The following CASKIN1 variants were observed in gnomAD, a reference collection of about 807,000 sequenced individuals.
CASKIN1 encodes caskin-1.
Under a neutral mutation model 117.5 loss-of-function variants are expected in CASKIN1, and 42 were observed. The ratio of observed to expected loss-of-function variants is 0.36; its 90% confidence interval spans 0.28 to 0.46. The LOEUF is 0.46. Ranked by LOEUF, CASKIN1 falls within the 20% of genes least tolerant of loss-of-function variation. CASKIN1 has a pLI of 1.00. For missense variants in CASKIN1, 2,083 were observed against 2,077.3 expected, an observed-to-expected ratio of 1.00 and a Z score of -0.05; for synonymous variants, 1,148 against 961.7, an observed-to-expected ratio of 1.19 and a Z score of -3.59.
At position 2,180,850 on chromosome 16, in the gene CASKIN1, C is replaced by T. The variant is rs1403263137; in HGVS notation, c.2518G>A (p.Val840Met). ...GCAGCCGGCCCCACCTCGCCCTCCA[C>T]GGGCTGGGGCAGCACGTAGGCAAAG... is the stretch of plus-strand genomic sequence containing the variant. ...RGFAYVLPQPVEGEVGPAAPG... is the reference protein window; with the variant it reads ...RGFAYVLPQPMEGEVGPAAPG... Residue 840 changes from valine to methionine, a missense_variant, in exon 18 of 20, where the codon GTG becomes ATG. Coordinates refer to ENST00000343516, the MANE Select transcript of CASKIN1 (RefSeq NM_020764.4). The T allele has an allele frequency of 2.2e-5, 31 of 1,399,286 alleles. No homozygotes were observed. The highest frequency in any genetic ancestry group is 3.5e-5 in the Admixed American group (1 of 28,666). 86.7% of individuals were successfully genotyped at this position (1,399,286 alleles called of 1,614,324 possible).
chr16:2,191,832 G>A (rs978234792), intron 1 of CASKIN1, among the ~76,000 whole-genome samples: 1 of 152,222 alleles, frequency 6.6e-6, no homozygotes, highest in Non-Finnish European at 1.5e-5. Context: ...CATCCCCAGA[G>A]CACACTTGGA....
At chr16:2,188,851 C>A in intron 6 of CASKIN1, 176 bp downstream of exon 6, 1 of 878,398 alleles carries the variant, frequency 1.1e-6, no homozygotes, top group East Asian at 2.7e-5. Context: ...CCTTCCCAGC[C>A]CCTGCAGCTC....
chr16:2,178,146 T>C lies in CASKIN1; in HGVS notation c.*404A>G. 1 of 496,850 alleles carries C rather than the reference T, an allele frequency of 2.0e-6. No homozygotes were observed. Among genetic ancestry groups the C allele is most frequent in the South Asian group, 1.6e-5 (1 of 61,618 alleles). 30.8% of individuals were successfully genotyped at this position (496,850 alleles called of 1,614,324 possible). A position where few individuals can be genotyped will look rare whatever the true frequency, so the allele number is the denominator to read the frequency against. On this transcript the variant is annotated 3_prime_UTR_variant, in exon 20 of 20. Coordinates refer to ENST00000343516, the MANE Select transcript of CASKIN1 (RefSeq NM_020764.4). ...GATAGCTTATATTCTGGGGGTGCGG[T>C]GGGGCAGGGGGGCCCTGACCTTGGT...
chr16:2,189,760 C>G (rs937989736), intron 3 of CASKIN1, among the ~76,000 whole-genome samples, 196 bp from the exon 4 acceptor site: 1 of 150,630 alleles, frequency 6.6e-6, no homozygotes, highest in African/African-American at 2.4e-5. Context: ...CCTCTGACCC[C>G]AAGCCCAACC....
chr16:2,186,090 G>A (rs1292464311), intron 10 of CASKIN1, among the ~76,000 whole-genome samples: 1 of 152,108 alleles, frequency 6.6e-6, no homozygotes, highest in Non-Finnish European at 1.5e-5. Flanking sequence ...TCCCACCTCA[G>A]CCTCCCAAGT....
At position 2,182,060 on chromosome 16, in the gene CASKIN1, G is replaced by A. The variant is rs902733152; in HGVS notation, c.1630-131C>T. 3.0e-5 allele frequency: 38 copies of A among 1,287,734 alleles called. No individual in the cohort carries two copies. In the East Asian group the frequency reaches 4.5e-4, roughly 15 times the overall value. 79.8% of individuals were successfully genotyped at this position (1,287,734 alleles called of 1,614,324 possible). ...AGACAGGAGGACAAACGGATAGGCCGAGGTATTGGCACCAGAAATGTAGGC... is the reference window on the plus strand; with the variant it reads ...AGACAGGAGGACAAACGGATAGGCCAAGGTATTGGCACCAGAAATGTAGGC... On this transcript the variant is annotated intron_variant, in intron 16 of 19. Transcript: ENST00000343516. This position sits in a 1 kb window ranked among gnomAD's most constrained non-coding sequence, Gnocchi z 4.1.
rs200816030 is a variant in CASKIN1, at chr16:2,190,177, C to T, written c.147-7G>A. 1.0e-4 allele frequency: 164 copies of T among 1,612,850 alleles called. No homozygotes were observed. The highest frequency in any genetic ancestry group is 3.1e-4 in the South Asian group (28 of 91,060). On this transcript the variant is annotated splice_region_variant and splice_polypyrimidine_tract_variant and intron_variant, in intron 2 of 19. Transcript: ENST00000343516. ...ATGGTGCAGAGCCGAGAAGCTGGCACGTGCAGAGGACACATAGAGCAGAGG... is the reference window on the plus strand; with the variant it reads ...ATGGTGCAGAGCCGAGAAGCTGGCATGTGCAGAGGACACATAGAGCAGAGG...
rs2093211705 is a variant in CASKIN1 at position 2,195,053 on chromosome 16, T to C, written c.94+1286A>G. 1.3e-5 allele frequency among the ~76,000 whole-genome samples: 2 copies of C among 152,174 alleles called. 1 individual carries two copies. The highest frequency in any genetic ancestry group is 4.1e-4 in the South Asian group (2 of 4,834). On this transcript the variant is annotated intron_variant, in intron 1 of 19. Coordinates refer to ENST00000343516, the MANE Select transcript of CASKIN1 (RefSeq NM_020764.4). ...CATGCGGCCACTAGGTGGAAACCTT[T>C]ACCTTGCCTTCCCTCAATCCCTACA...
chr16:2,190,207 G>T (rs1168952350), intron 2 of CASKIN1, 37 bp from the exon 3 acceptor site: 13 of 1,608,296 alleles, frequency 8.1e-6, no homozygotes, highest in Admixed American at 3.4e-5. Context: ...CAGAGGCCCT[G>T]GCGCCCCGGC....
chr16:2,178,963 G>A lies in CASKIN1; in HGVS notation c.4138C>T (p.Leu1380=), dbSNP rs987902411. Residue 1380 remains leucine, a synonymous_variant, in exon 19 of 20, where the codon CTG becomes TTG. Transcript: ENST00000343516. The stretch of plus-strand genomic sequence containing the variant: ...TCCACCGCCTGCAGCGCCGCGGCCA[G>A]GCACGCGCTTGTCTCCTCCAGTTTC... The part of the protein sequence containing the change: ...RQKLEETSAC[L]AAALQAVEEK... 1.4e-6 allele frequency: 2 copies of A among 1,479,958 alleles called. No homozygotes were observed. Among genetic ancestry groups the A allele is most frequent in the Non-Finnish European group, 1.8e-6 (2 of 1,123,932 alleles). 91.7% of individuals were successfully genotyped at this position (1,479,958 alleles called of 1,614,324 possible). A position where few individuals can be genotyped will look rare whatever the true frequency, so the allele number is the denominator to read the frequency against.
chr16:2,180,161 T>G lies in CASKIN1; in HGVS notation c.3207A>C (p.Pro1069=), dbSNP rs747768846. Residue 1069 remains proline, a synonymous_variant, in exon 18 of 20, where the codon CCA becomes CCC. Coordinates refer to ENST00000343516, the MANE Select transcript of CASKIN1 (RefSeq NM_020764.4). ...VVNRRRTLSG[P]VTGLLATARR... ...GGGCAGTGGCCAGAAGTCCGGTGAC[T>G]GGCCCGCTGAGCGTGCGGCGCCGGT... The G allele has an allele frequency of 6.4e-7, 1 of 1,553,248 alleles. No homozygotes were observed. The highest frequency in any genetic ancestry group is 1.2e-5 in the South Asian group (1 of 84,678).
At position 2,181,347 on chromosome 16, in the gene CASKIN1, G is replaced by T. The variant is rs767649171; in HGVS notation, c.2021C>A (p.Thr674Asn). Reference sequence around the variant, plus strand: ...CAGGTGGCTGGAGGGCTTCTCAGTGGTGGGCCCCACCTCAGCCGGGCCAGT... The same window carrying T: ...CAGGTGGCTGGAGGGCTTCTCAGTGTTGGGCCCCACCTCAGCCGGGCCAGT... ...AMTGPAEVGP[T>N]TEKPSSHLPP... is the part of the protein sequence containing the mutation. Residue 674 changes from threonine (T) to asparagine (N), a missense_variant, in exon 18 of 20, where the codon ACC (threonine) becomes AAC (asparagine). By Grantham distance (65) the Thr-to-Asn change is moderately conservative. Around this residue, in one of 3 missense-constraint regions of CASKIN1, gnomAD observed 1,818 missense variants for 1,688.9 expected, o/e 1.08. Transcript: ENST00000343516. 5 of 1,607,026 alleles carry T rather than the reference G, an allele frequency of 3.1e-6. No individual in the cohort carries two copies. The highest frequency in any genetic ancestry group is 3.4e-5 in the Admixed American group (2 of 59,658).
In CASKIN1 at chr16:2,181,796, T is replaced by C. The variant is rs1350728131; in HGVS notation, c.1763A>G (p.Lys588Arg). ...WEDLQEIGIT[K>R]LGHQKKLMLA... ...GGCTGGGGCTGGGGCCTCACCCAGCTTGGTGATGCCGATCTCCTGCAGGTC... is the reference window on the plus strand; with the variant it reads ...GGCTGGGGCTGGGGCCTCACCCAGCCTGGTGATGCCGATCTCCTGCAGGTC... The change falls in exon 17 of 20, where the codon AAG becomes AGG. Residue 588 changes from lysine to arginine, a missense_variant. Physicochemically the swap from Lys to Arg is conservative, Grantham distance 26. Around this residue, in one of 3 missense-constraint regions of CASKIN1, gnomAD observed 1,818 missense variants for 1,688.9 expected, o/e 1.08. Coordinates refer to ENST00000343516, the MANE Select transcript of CASKIN1 (RefSeq NM_020764.4). 1 of 1,612,944 alleles carries C rather than the reference T, an allele frequency of 6.2e-7. No homozygotes were observed. Among genetic ancestry groups the C allele is most frequent in the Non-Finnish European group, 8.5e-7 (1 of 1,179,820 alleles).
chr16:2,178,879 G>A (rs1468475000), intron 19 of CASKIN1, 23 bp downstream of exon 19: 1 of 1,391,428 alleles, frequency 7.2e-7, no homozygotes, highest in Non-Finnish European at 9.2e-7. Flanking sequence ...CCCTCCGCCC[G>A]CCAGGCCCCG....
intron 16 of CASKIN1, 68 bp downstream of exon 16, chr16:2,183,578 G>C: frequency 6.7e-7 from 1 of 1,484,216 alleles, no homozygotes; most frequent in East Asian, 2.3e-5. Context: ...GGCCAGGGAG[G>C]CAGGTTCTCT....
At chr16:2,190,029 T>G in intron 3 of CASKIN1, 44 bp downstream of exon 3, 767 of 1,252,564 alleles carry the variant, frequency 6.1e-4, no homozygotes, top group Non-Finnish European at 8.1e-4. Context: ...CCCCCCTCGC[T>G]GCCCCCGCCC....
At chr16:2,194,456 G>A (rs2093210059) in intron 1 of CASKIN1, among the ~76,000 whole-genome samples, 1 of 152,158 alleles carries the variant, frequency 6.6e-6, no homozygotes, top group African/African-American at 2.4e-5. Flanking sequence ...TGGAGGGAAG[G>A]GACTGGGCAA....
chr16:2,181,072 C>A lies in CASKIN1; in HGVS notation c.2296G>T (p.Val766Phe), dbSNP rs1197477684. Residue 766 changes from valine to phenylalanine, a missense_variant, in exon 18 of 20, where the codon GTC becomes TTC. Around this residue, in one of 3 missense-constraint regions of CASKIN1, gnomAD observed 1,818 missense variants for 1,688.9 expected, o/e 1.08. Coordinates refer to ENST00000343516, the MANE Select transcript of CASKIN1 (RefSeq NM_020764.4). ...AAGTGGCTAGTGCCTGGTGGGAGGA[C>A]CTGCCGTGGCTTGCCAGGCACGGGG... ...VPPVPGKPRQ[V>F]LPPGTSHFTP... is the part of the protein sequence containing the mutation. 6 of 1,487,230 alleles carry A rather than the reference C, an allele frequency of 4.0e-6. No individual in the cohort carries two copies. The African/African-American group carries it at 4.3e-5, about 11-fold the overall frequency. 92.1% of individuals were successfully genotyped at this position (1,487,230 alleles called of 1,614,324 possible). A position where few individuals can be genotyped will look rare whatever the true frequency, so the allele number is the denominator to read the frequency against.
In CASKIN1 at chr16:2,184,990, G is replaced by C. The variant is rs2093179575; in HGVS notation, c.1285C>G (p.Pro429Ala). Residue 429 changes from proline (P) to alanine (A), a missense_variant, in exon 13 of 20, where the codon CCG becomes GCG. Around this residue, in one of 3 missense-constraint regions of CASKIN1, gnomAD observed 1,818 missense variants for 1,688.9 expected, o/e 1.08. Coordinates refer to ENST00000343516, the MANE Select transcript of CASKIN1 (RefSeq NM_020764.4). ...GGAGGCTTGGCGGGGCTGTCCCCCG[G>C]GCCGGACTCAGAGACGGACTTCTGG... is the stretch of plus-strand genomic sequence containing the variant. ...LSQKSVSESGPGDSPAKPPEG... is the reference protein window; with the variant it reads ...LSQKSVSESGAGDSPAKPPEG... The C allele has an allele frequency of 1.2e-6, 2 of 1,608,368 alleles. No homozygotes were observed.
Sources: allele counts gnomAD v4.1 joint callset (sites outside exome capture counted in the v4.1 genomes callset), GRCh38; gene constraint gnomAD v4.1.1; regional missense constraint gnomAD v4.1.1; non-coding constraint Gnocchi (gnomAD v3.1); transcripts MANE v1.5; gene names NCBI Gene and HGNC (gene_info 2026-07-23, HGNC 2026-07-21).